Variants in LUZP2 observed in about 807,000 individuals in gnomAD.
LUZP2 encodes the protein leucine zipper protein 2.
Under a neutral mutation model 51.6 loss-of-function variants are expected in LUZP2, and 52 were observed. The observed-to-expected ratio is 1.01, with a 90% confidence interval of 0.81 to 1.27. The LOEUF (loss-of-function observed/expected upper bound fraction) is 1.27. Among genes scored for constraint, LUZP2 ranks in the 50% most tolerant of loss-of-function variants. The probability of loss-of-function intolerance (pLI) is 0.00; values close to 1 mark genes in which losing one functional copy is unlikely to be tolerated. For missense variants in LUZP2, 436 were observed against 395.4 expected (o/e 1.10, Z -0.87); for synonymous variants, 154 against 137.3 (o/e 1.12, Z -0.85).
chr11:24,840,693 A>G (rs72872421), intron 5 of LUZP2, among the ~76,000 whole-genome samples: 2,369 of 152,074 alleles, frequency 0.016, 30 homozygotes, highest in Non-Finnish European at 0.023. Context: ...GGTAAAGTTA[A>G]GCCGATAGGG....
chr11:24,633,634 T>C (rs1854965551), intron 1 of LUZP2, among the ~76,000 whole-genome samples: 1 of 152,000 alleles, frequency 6.6e-6, no homozygotes, highest in South Asian at 2.1e-4. Flanking sequence ...ATGTTTAAAA[T>C]AATCACAATT....
At position 24,874,010 on chromosome 11, in the gene LUZP2, T is replaced by C. The variant is rs1166103641; in HGVS notation, c.397-31981T>C. On this transcript the variant is annotated intron_variant, in intron 5 of 11. Coordinates refer to ENST00000336930, the MANE Select transcript of LUZP2 (RefSeq NM_001009909.4). Reference sequence around the variant, plus strand: ...AAAAGATCAACCATCCTGCAGATACTGTAGAATAACTATTAATGGGAAGAG... The same window carrying C: ...AAAAGATCAACCATCCTGCAGATACCGTAGAATAACTATTAATGGGAAGAG... Among the ~76,000 whole-genome samples, 3 of 152,304 alleles carry C rather than the reference T, an allele frequency of 2.0e-5. No individual in the cohort carries two copies. The East Asian group carries it at 5.8e-4, about 29-fold the overall frequency.
intron 10 of LUZP2, among the ~76,000 whole-genome samples, chr11:25,058,495 T>A (rs558975057): frequency 6.6e-6 from 1 of 152,314 alleles, no homozygotes; most frequent in African/African-American, 2.4e-5. Context: ...CATTTACCTA[T>A]GAGACACATA....
intron 3 of LUZP2, among the ~76,000 whole-genome samples, chr11:24,736,493 TTCCTTCCTTC>T (rs1858944388): frequency 6.6e-6 from 1 of 150,648 alleles, no homozygotes; most frequent in Non-Finnish European, 1.5e-5. Flanking sequence ...CCTTCCTTCC[TTCCTTCCTTC>T]CTTCCTTCCT....
intron 5 of LUZP2, among the ~76,000 whole-genome samples, chr11:24,861,358 T>C (rs574954819): frequency 5.3e-5 from 8 of 152,168 alleles, no homozygotes; most frequent in African/African-American, 1.9e-4. Flanking sequence ...GGGGAGAATG[T>C]AAACAAGCTA....
At chr11:24,934,081 G>A (rs559566749) in intron 7 of LUZP2, among the ~76,000 whole-genome samples, 2 of 152,288 alleles carry the variant, frequency 1.3e-5, no homozygotes, top group South Asian at 4.1e-4. Flanking sequence ...GGCAGGGAAG[G>A]TGTATTGTCA....
At chr11:24,622,280 C>A (rs1185362381) in intron 1 of LUZP2, among the ~76,000 whole-genome samples, 3 of 150,162 alleles carry the variant, frequency 2.0e-5, no homozygotes, top group East Asian at 2.0e-4. Flanking sequence ...CCTCCCCTCT[C>A]CCCCCTCCCC....
At chr11:24,722,301 A>G (rs910865977) in intron 1 of LUZP2, among the ~76,000 whole-genome samples, 3 of 152,160 alleles carry the variant, frequency 2.0e-5, no homozygotes, top group South Asian at 2.1e-4. Flanking sequence ...TACAGGAAAA[A>G]GGGTTTAGTG....
chr11:24,901,472 A>T (rs538075946), intron 5 of LUZP2, among the ~76,000 whole-genome samples: 3 of 152,302 alleles, frequency 2.0e-5, no homozygotes, highest in Admixed American at 1.3e-4. Context: ...ACTTTAAGAA[A>T]ACTATTTGAG....
chr11:24,607,742 A>C (rs911771440), intron 1 of LUZP2, among the ~76,000 whole-genome samples: 3 of 150,998 alleles, frequency 2.0e-5, no homozygotes, highest in African/African-American at 7.3e-5. Context: ...CATAGCGTTG[A>C]TTCTGTTTTT....
At position 24,512,681 on chromosome 11, in the gene LUZP2, G is replaced by A. The variant is rs138252567; in HGVS notation, c.62+15376G>A. 3.4e-3 allele frequency among the ~76,000 whole-genome samples: 512 copies of A among 151,408 alleles called. 1 individual carries two copies. The highest frequency in any genetic ancestry group is 5.4e-3 in the Non-Finnish European group (369 of 67,872). ...AATACGAAGTTCAACGTTACTTTTTGTATACTAAATATAGCTTGGCTTGTT... is the reference window on the plus strand; with the variant it reads ...AATACGAAGTTCAACGTTACTTTTTATATACTAAATATAGCTTGGCTTGTT... On this transcript the variant is annotated intron_variant, in intron 1 of 11. Coordinates refer to ENST00000336930, the MANE Select transcript of LUZP2 (RefSeq NM_001009909.4).
intron 8 of LUZP2, among the ~76,000 whole-genome samples, chr11:24,981,880 C>T (rs1033631800): frequency 2.0e-5 from 3 of 151,716 alleles, no homozygotes; most frequent in African/African-American, 4.8e-5. Flanking sequence ...GGTCTAATAT[C>T]CAGCATATAC....
intron 5 of LUZP2, among the ~76,000 whole-genome samples, chr11:24,874,312 G>A (rs1223732328): frequency 6.6e-6 from 1 of 152,120 alleles, no homozygotes; most frequent in Non-Finnish European, 1.5e-5. Flanking sequence ...GTTGGTAGAT[G>A]GGTGGCGGGC....
chr11:24,798,497 T>C (rs1165573242), intron 5 of LUZP2, among the ~76,000 whole-genome samples: 1 of 152,190 alleles, frequency 6.6e-6, no homozygotes, highest in African/African-American at 2.4e-5. Context: ...GCAATCTTTT[T>C]ATGTTAGTTT....
At chr11:24,905,061 G>T (rs1406130832) in intron 5 of LUZP2, among the ~76,000 whole-genome samples, 1 of 152,048 alleles carries the variant, frequency 6.6e-6, no homozygotes, top group African/African-American at 2.4e-5. Flanking sequence ...TACAGTAGGA[G>T]AATATAACAA....
intron 7 of LUZP2, among the ~76,000 whole-genome samples, chr11:24,930,233 G>A (rs1854405681): frequency 6.6e-6 from 1 of 152,070 alleles, no homozygotes; most frequent in African/African-American, 2.4e-5. Context: ...CACATTCAAT[G>A]TTACTATTGA....
chr11:25,033,113 T>C (rs1341655978), intron 9 of LUZP2, among the ~76,000 whole-genome samples: 1 of 152,184 alleles, frequency 6.6e-6, no homozygotes, highest in Non-Finnish European at 1.5e-5. Flanking sequence ...TTACAGCCAT[T>C]AGTCCTGAAA....
intron 1 of LUZP2, among the ~76,000 whole-genome samples, chr11:24,615,089 A>C (rs1350587918): frequency 6.6e-6 from 1 of 151,978 alleles, no homozygotes; most frequent in Non-Finnish European, 1.5e-5. Flanking sequence ...TTAGTTATTC[A>C]ATTAAATCTT....
chr11:24,748,513 G>A (rs1172579678), intron 4 of LUZP2, among the ~76,000 whole-genome samples: 2 of 151,128 alleles, frequency 1.3e-5, no homozygotes, highest in Non-Finnish European at 2.9e-5. Flanking sequence ...AGGCTGGAGT[G>A]CAGTGGCACG....
Sources: gnomAD v4.1 joint callset for allele counts (sites outside exome capture counted in the v4.1 genomes callset) on GRCh38, gnomAD v4.1.1 for gene constraint, MANE v1.5 for transcripts, NCBI Gene and HGNC (gene_info 2026-07-23, HGNC 2026-07-21) for gene names.